The following SLC35F1 variants were observed in gnomAD, a reference collection of about 807,000 sequenced individuals.
The protein encoded by SLC35F1 is solute carrier family 35 member F1.
SLC35F1 carries 14 observed loss-of-function variants against 48.7 expected under a neutral mutation model. The observed-to-expected ratio is 0.29, with a 90% CI of 0.19 to 0.45. The LOEUF is 0.45. Among genes scored for constraint, SLC35F1 ranks in the 20% least tolerant of loss-of-function variants. The pLI, the probability that SLC35F1 is intolerant of heterozygous loss-of-function variation, is 1.00. For missense variants in SLC35F1, 404 were observed against 500.0 expected, an observed-to-expected ratio of 0.81 and a Z score of 1.83; for synonymous variants, 190 against 202.2, an observed-to-expected ratio of 0.94 and a Z score of 0.51.
intron 5 of SLC35F1, 44 bp downstream of exon 5, chr6:118,275,659 A>G: frequency 6.3e-7 from 1 of 1,581,370 alleles, no homozygotes; most frequent in East Asian, 2.3e-5. Context: ...AGGGACTGTC[A>G]AGACTTATTC....
intron 2 of SLC35F1, among the ~76,000 whole-genome samples, chr6:118,216,090 T>TG (rs201835962): frequency 0.013 from 1,996 of 151,280 alleles, 55 homozygotes; most frequent in African/African-American, 0.045. Flanking sequence ...TTTTTTGTTT[T>TG]TTTTTTTTTG....
At chr6:117,916,648 G>A (rs572736655) in intron 1 of SLC35F1, among the ~76,000 whole-genome samples, 2 of 152,312 alleles carry the variant, frequency 1.3e-5, no homozygotes, top group South Asian at 4.1e-4. Flanking sequence ...TGTGAGGCAG[G>A]GAAACTATTT....
intron 7 of SLC35F1, among the ~76,000 whole-genome samples, chr6:118,304,368 T>TAA (rs746442246): frequency 6.0e-5 from 7 of 117,402 alleles, no homozygotes; most frequent in African/African-American, 1.3e-4. Context: ...CTTCATCTCT[T>TAA]AAAAAAAAAA....
intron 1 of SLC35F1, among the ~76,000 whole-genome samples, chr6:118,085,223 C>T (rs1772969647): frequency 6.6e-6 from 1 of 152,170 alleles, no homozygotes; most frequent in Non-Finnish European, 1.5e-5. Context: ...GAGGAGGCTT[C>T]CTCTTGTCTA....
At chr6:117,996,367 G>T (rs916974772) in intron 1 of SLC35F1, among the ~76,000 whole-genome samples, 1 of 152,186 alleles carries the variant, frequency 6.6e-6, no homozygotes, top group Non-Finnish European at 1.5e-5. Flanking sequence ...ACAGCTCCCA[G>T]CCTGAGTGAT....
chr6:118,268,126 G>T (rs773569050), intron 4 of SLC35F1, among the ~76,000 whole-genome samples: 1 of 152,126 alleles, frequency 6.6e-6, no homozygotes, highest in Non-Finnish European at 1.5e-5. Context: ...CTTTATAACT[G>T]AAAAGGACCT....
intron 1 of SLC35F1, among the ~76,000 whole-genome samples, chr6:118,005,303 A>G (rs1777159677): frequency 1.3e-5 from 2 of 152,194 alleles, no homozygotes; most frequent in South Asian, 4.2e-4. Flanking sequence ...GAGCTTGACC[A>G]TTACTCTAGA....
At chr6:118,310,090 A>G (rs559450582) in intron 7 of SLC35F1, among the ~76,000 whole-genome samples, 1 of 152,352 alleles carries the variant, frequency 6.6e-6, no homozygotes, top group East Asian at 1.9e-4. Context: ...GCTTCCAGTT[A>G]GATAAAATGC....
intron 1 of SLC35F1, among the ~76,000 whole-genome samples, chr6:118,026,496 A>T (rs1175113320): frequency 1.3e-5 from 2 of 152,224 alleles, no homozygotes; most frequent in Non-Finnish European, 2.9e-5. Flanking sequence ...GTTAATAAGA[A>T]TATTGACATC....
At chr6:117,963,371 A>G (rs1450427635) in intron 1 of SLC35F1, among the ~76,000 whole-genome samples, 1 of 149,476 alleles carries the variant, frequency 6.7e-6, no homozygotes, top group African/African-American at 2.5e-5. Flanking sequence ...GCTGCATATC[A>G]CTTTTAGGGG....
intron 2 of SLC35F1, among the ~76,000 whole-genome samples, chr6:118,168,991 A>C (rs1488400770): frequency 1.3e-5 from 2 of 152,174 alleles, no homozygotes; most frequent in Admixed American, 1.3e-4. Context: ...GCAAAATATC[A>C]ATTTTTTAAC....
chr6:118,145,011 A>G (rs923983987), intron 1 of SLC35F1, among the ~76,000 whole-genome samples: 1 of 152,136 alleles, frequency 6.6e-6, no homozygotes, highest in African/African-American at 2.4e-5. Flanking sequence ...TGTACAATTC[A>G]ATGGTTTTTA....
chr6:118,071,647 T>A (rs569660178), intron 1 of SLC35F1, among the ~76,000 whole-genome samples: 1 of 152,192 alleles, frequency 6.6e-6, no homozygotes, highest in Non-Finnish European at 1.5e-5. Context: ...ACTCCTTTCA[T>A]GGCTGCAAAT....
At chr6:118,206,486 C>T (rs879365230) in intron 2 of SLC35F1, among the ~76,000 whole-genome samples, 1 of 152,160 alleles carries the variant, frequency 6.6e-6, no homozygotes, top group African/African-American at 2.4e-5. Context: ...AAATTTTCAA[C>T]ATAAAATCAG....
chr6:117,932,906 A>G (rs1776119973), intron 1 of SLC35F1, among the ~76,000 whole-genome samples: 1 of 152,188 alleles, frequency 6.6e-6, no homozygotes, highest in Non-Finnish European at 1.5e-5. Context: ...ACCATCCCAG[A>G]TCTCCCTGAT....
At chr6:117,978,881 T>A (rs546211644) in intron 1 of SLC35F1, among the ~76,000 whole-genome samples, 15 of 152,300 alleles carry the variant, frequency 9.8e-5, no homozygotes, top group African/African-American at 3.6e-4. Context: ...TAATAAGACA[T>A]CCCATGTTTT....
rs185205471 is a variant in SLC35F1, at chr6:118,317,633, A to G, written c.*3381A>G. On this transcript the variant is annotated 3_prime_UTR_variant, in exon 8 of 8. Transcript: ENST00000360388. ...CTGGCTGTGGCAATGTAATGCCTGT[A>G]TAATGTTTTCAAATAAAAATAAATG... 6.6e-6 allele frequency: 1 copy of G among 152,374 alleles called. No individual in the cohort carries two copies. The highest frequency in any genetic ancestry group is 2.4e-5 in the African/African-American group (1 of 41,594). The allele number at this position is 152,374 out of a possible 1,614,324, so 9.4% of individuals were successfully genotyped here.
At chr6:118,264,009 C>G (rs976655067) in intron 3 of SLC35F1, among the ~76,000 whole-genome samples, 1 of 152,230 alleles carries the variant, frequency 6.6e-6, no homozygotes, top group Non-Finnish European at 1.5e-5. Context: ...TATGACATAA[C>G]TTCTGCTGAT....
intron 1 of SLC35F1, among the ~76,000 whole-genome samples, chr6:117,972,960 T>C (rs1278884866): frequency 5.9e-5 from 9 of 152,232 alleles, no homozygotes; most frequent in Non-Finnish European, 8.8e-5. Context: ...TTTTAAAAAA[T>C]ACAGTTGGAT....
Sources: gnomAD v4.1 joint callset for allele counts (sites outside exome capture counted in the v4.1 genomes callset) on GRCh38, gnomAD v4.1.1 for gene constraint, MANE v1.5 for transcripts, NCBI Gene and HGNC (gene_info 2026-07-23, HGNC 2026-07-21) for gene names.